EYS: variants seen among roughly 807,000 people sequenced by gnomAD.
EYS encodes the protein protein eyes shut homolog.
EYS carries 250 observed loss-of-function variants against 282.1 expected under a neutral mutation model. The ratio of observed to expected loss-of-function variants is 0.89; its 90% CI spans 0.80 to 0.98. EYS has a LOEUF of 0.98. EYS is among the 50% of genes least tolerant of loss of function. EYS has a pLI of 0.00. For synonymous variants in EYS, 1,355 were observed against 1,282.9 expected (o/e 1.06, Z -1.20); for missense variants, 4,016 against 3,709.0 (o/e 1.08, Z -2.15).
intron 12 of EYS, among the ~76,000 whole-genome samples, chr6:65,107,982 G>C (rs1375838229): frequency 6.6e-6 from 1 of 151,894 alleles, no homozygotes; most frequent in African/African-American, 2.4e-5. Flanking sequence ...AATCCTGTAA[G>C]ATGATGTTAT....
chr6:64,911,556 A>G (rs369163468), intron 16 of EYS, among the ~76,000 whole-genome samples: 62 of 152,296 alleles, frequency 4.1e-4, no homozygotes, highest in African/African-American at 1.4e-3. Context: ...AGAAGAGTAA[A>G]TAAGTGATAT....
chr6:64,044,374 G>A (rs1770526982), intron 33 of EYS, among the ~76,000 whole-genome samples: 1 of 152,138 alleles, frequency 6.6e-6, no homozygotes, highest in East Asian at 1.9e-4. Context: ...CTGCCCATCA[G>A]TATTACCTCA....
chr6:63,862,403 G>T (rs1001190221), intron 36 of EYS, among the ~76,000 whole-genome samples: 1 of 150,980 alleles, frequency 6.6e-6, no homozygotes, highest in Admixed American at 6.6e-5. Flanking sequence ...CCGGATGGGT[G>T]CATGTAGGAA....
chr6:64,000,253 G>A (rs1159565565), intron 33 of EYS, among the ~76,000 whole-genome samples: 3 of 133,228 alleles, frequency 2.3e-5, no homozygotes, highest in Non-Finnish European at 4.6e-5. Context: ...GTGCAGTGGC[G>A]CGATCTCGGC....
chr6:64,795,893 G>A (rs1414085277), intron 22 of EYS, among the ~76,000 whole-genome samples: 1 of 152,148 alleles, frequency 6.6e-6, no homozygotes, highest in Non-Finnish European at 1.5e-5. Context: ...TGTACTGAGG[G>A]TTTATGCATT....
intron 12 of EYS, among the ~76,000 whole-genome samples, chr6:65,265,205 C>G (rs551876038): frequency 4.6e-4 from 70 of 152,076 alleles, no homozygotes; most frequent in African/African-American, 1.2e-3. Flanking sequence ...GCCCTATACC[C>G]TAGGTAACAA....
chr6:64,828,143 T>C lies in EYS; in HGVS notation c.2993-5321A>G, dbSNP rs181380772. On this transcript the variant is annotated intron_variant, in intron 19 of 42. Coordinates refer to ENST00000503581, the MANE Select transcript of EYS (RefSeq NM_001142800.2). The stretch of plus-strand genomic sequence containing the variant: ...AGAATTAATTTAATGAGCTTATCAG[T>C]GGACTGGACATAGGAAAGAACCAAT... Among the ~76,000 whole-genome samples the C allele has an allele frequency of 7.9e-5, 12 of 151,978 alleles. No homozygotes were observed. In the East Asian group the frequency reaches 2.3e-3, roughly 30 times the overall value.
At chr6:65,554,131 A>C (rs1489936137) in intron 2 of EYS, among the ~76,000 whole-genome samples, 1 of 152,098 alleles carries the variant, frequency 6.6e-6, no homozygotes, top group Admixed American at 6.6e-5. Flanking sequence ...CCAGGATCCT[A>C]TCGTCCTGTC....
At chr6:64,771,216 TTATG>T (rs1773513479) in intron 22 of EYS, among the ~76,000 whole-genome samples, 1 of 151,796 alleles carries the variant, frequency 6.6e-6, no homozygotes, top group Non-Finnish European at 1.5e-5. Context: ...CTCAAATTTC[TTATG>T]TATCTATAGC....
chr6:64,141,673 C>G (rs1774342447), intron 31 of EYS, among the ~76,000 whole-genome samples: 1 of 152,044 alleles, frequency 6.6e-6, no homozygotes, highest in Non-Finnish European at 1.5e-5. Context: ...AATGGTATTT[C>G]TAATTTATTC....
At chr6:65,116,965 T>G (rs1278081169) in intron 12 of EYS, among the ~76,000 whole-genome samples, 2 of 152,178 alleles carry the variant, frequency 1.3e-5, no homozygotes, top group African/African-American at 4.8e-5. Flanking sequence ...CAATGTCCAA[T>G]ATTCCTTTCT....
chr6:64,403,187 A>C (rs952789175), intron 28 of EYS, among the ~76,000 whole-genome samples: 1 of 152,118 alleles, frequency 6.6e-6, no homozygotes, highest in African/African-American at 2.4e-5. Flanking sequence ...AGACTTTATA[A>C]AAAGAAAACA....
chr6:64,686,761 ATGTGTG>A (rs1179411692), intron 22 of EYS, among the ~76,000 whole-genome samples: 2 of 19,462 alleles, frequency 1.0e-4, no homozygotes, highest in African/African-American at 2.7e-4. Flanking sequence ...ATATATATAT[ATGTGTG>A]TATATATATA....
At chr6:64,249,370 A>C (rs1369385545) in intron 30 of EYS, among the ~76,000 whole-genome samples, 1 of 152,124 alleles carries the variant, frequency 6.6e-6, no homozygotes, top group Non-Finnish European at 1.5e-5. Flanking sequence ...TAGACAATGG[A>C]GTCTTGGAAG....
At chr6:64,195,580 T>C (rs1394317814) in intron 31 of EYS, among the ~76,000 whole-genome samples, 3 of 152,234 alleles carry the variant, frequency 2.0e-5, no homozygotes, top group African/African-American at 7.2e-5. Context: ...GTTAAAGGCA[T>C]GAGCCACTAT....
At chr6:64,756,873 A>G (rs1772952749) in intron 22 of EYS, among the ~76,000 whole-genome samples, 1 of 149,748 alleles carries the variant, frequency 6.7e-6, no homozygotes, top group Non-Finnish European at 1.5e-5. Flanking sequence ...TTAAAAATAC[A>G]AAGCATCAGT....
intron 30 of EYS, among the ~76,000 whole-genome samples, chr6:64,305,692 G>A (rs1769415797): frequency 6.6e-6 from 1 of 152,076 alleles, no homozygotes; most frequent in Admixed American, 6.6e-5. Context: ...ACAACAGAAT[G>A]ACCCAAATAG....
At chr6:64,545,806 A>G (rs1325552774) in intron 26 of EYS, among the ~76,000 whole-genome samples, 2 of 152,178 alleles carry the variant, frequency 1.3e-5, no homozygotes, top group African/African-American at 2.4e-5. Context: ...TGGGAATCCA[A>G]CTTACAAGGG....
intron 30 of EYS, among the ~76,000 whole-genome samples, chr6:64,246,469 G>A (rs1767027877): frequency 6.6e-6 from 1 of 152,130 alleles, no homozygotes; most frequent in African/African-American, 2.4e-5. Flanking sequence ...GGGTGTGTGT[G>A]TGATGTCTTT....
Sources: allele counts gnomAD v4.1 joint callset (sites outside exome capture counted in the v4.1 genomes callset), GRCh38; gene constraint gnomAD v4.1.1; transcripts MANE v1.5; gene names NCBI Gene and HGNC (gene_info 2026-07-23, HGNC 2026-07-21).